The following ADISSP variants were observed in gnomAD, a reference collection of about 807,000 sequenced individuals.
ADISSP encodes adipose-secreted signaling protein.
At chr20:3,761,578 C>T in the ADISSP span, among the ~76,000 whole-genome samples, 17,807 of 152,130 alleles carry the variant, frequency 0.12, 1,373 homozygotes, top group African/African-American at 0.19. Flanking sequence ...TCAAGCAATC[C>T]GCTCACTTCG....
At chr20:3,755,334 C>A in the ADISSP span, 1 of 768,866 alleles carries the variant, frequency 1.3e-6, no homozygotes. Context: ...TGCCATGCTG[C>A]CACAGTGCAA....
At chr20:3,762,110 A>G in the ADISSP span, among the ~76,000 whole-genome samples, 1 of 152,152 alleles carries the variant, frequency 6.6e-6, no homozygotes, top group Non-Finnish European at 1.5e-5. Context: ...AGTCTCTACC[A>G]AAAGTACAAA....
chr20:3,755,456 G>T, the ADISSP span: 1 of 1,603,128 alleles, frequency 6.2e-7, no homozygotes. Context: ...CCCTGCTGGA[G>T]GAGGGGACGC....
the ADISSP span, among the ~76,000 whole-genome samples, chr20:3,755,995 C>T: frequency 0.012 from 1,794 of 152,314 alleles, 37 homozygotes; most frequent in African/African-American, 0.041. Context: ...CCCAGCAAGG[C>T]ACCACCCACT....
At chr20:3,766,313 A>C in the ADISSP span, among the ~76,000 whole-genome samples, 3 of 152,270 alleles carry the variant, frequency 2.0e-5, no homozygotes, top group Non-Finnish European at 4.4e-5. Context: ...CTGGAAAGGC[A>C]AGGCTGGAGG....
the ADISSP span, chr20:3,754,186 A>G: frequency 1.9e-6 from 3 of 1,588,968 alleles, no homozygotes; most frequent in Admixed American, 3.4e-5. Context: ...AGTCAGTGCC[A>G]TGCTGGCCCC....
chr20:3,765,373 C>G, the ADISSP span, among the ~76,000 whole-genome samples: 7 of 152,326 alleles, frequency 4.6e-5, no homozygotes, highest in Middle Eastern at 6.8e-3. Context: ...CCCCCAGAGG[C>G]AGCAGTCCTG....
At chr20:3,764,418 A>G in the ADISSP span, among the ~76,000 whole-genome samples, 2 of 151,864 alleles carry the variant, frequency 1.3e-5, no homozygotes, top group South Asian at 4.2e-4. Flanking sequence ...CTTCCTCCCA[A>G]CCTACTGCCT....
the ADISSP span, chr20:3,768,042 C>T: frequency 6.5e-6 from 1 of 152,750 alleles, no homozygotes; most frequent in Non-Finnish European, 1.5e-5. Context: ...GGCCCCGCCC[C>T]CGCTCCTTCT....
At chr20:3,757,701 T>C in the ADISSP span, among the ~76,000 whole-genome samples, 2 of 152,166 alleles carry the variant, frequency 1.3e-5, no homozygotes, top group Non-Finnish European at 2.9e-5. Flanking sequence ...CAATCTCAGC[T>C]CACTGCAACC....
At chr20:3,758,884 CCT>C in the ADISSP span, among the ~76,000 whole-genome samples, 1 of 152,178 alleles carries the variant, frequency 6.6e-6, no homozygotes, top group Non-Finnish European at 1.5e-5. The surrounding 1 kb of genome is among the most constrained non-coding windows in gnomAD (Gnocchi z 5.5). Context: ...AAATCCATCC[CCT>C]GAGAGTGAGC....
the ADISSP span, among the ~76,000 whole-genome samples, chr20:3,760,710 G>T: frequency 6.6e-6 from 1 of 152,160 alleles, no homozygotes; most frequent in African/African-American, 2.4e-5. Flanking sequence ...CCTGGTGATC[G>T]GTCAGGGCCA....
chr20:3,763,840 G>A, the ADISSP span, among the ~76,000 whole-genome samples: 1 of 152,174 alleles, frequency 6.6e-6, no homozygotes, highest in Non-Finnish European at 1.5e-5. Context: ...GAGCAGATGT[G>A]GCCTCACCTC....
At chr20:3,754,276 G>A in the ADISSP span, 6 of 1,484,308 alleles carry the variant, frequency 4.0e-6, no homozygotes, top group East Asian at 1.4e-4. Flanking sequence ...CTGCCAAGGA[G>A]GTTGAGAACC....
the ADISSP span, chr20:3,768,366 C>G: frequency 0.31 from 47,697 of 152,402 alleles, 7,916 homozygotes; most frequent in East Asian, 0.51. Context: ...GTGCCTGGCC[C>G]GGCCTGGAGA....
the ADISSP span, chr20:3,754,257 G>A: frequency 6.8e-7 from 1 of 1,469,894 alleles, no homozygotes; most frequent in Non-Finnish European, 9.5e-7. Flanking sequence ...ATCAGCTGGA[G>A]GTAGGGACCT....
At chr20:3,767,838 C>G in the ADISSP span, 1 of 152,140 alleles carries the variant, frequency 6.6e-6, no homozygotes, top group South Asian at 2.1e-4. Context: ...GAGGGACGCT[C>G]CGGACCAATG....
the ADISSP span, among the ~76,000 whole-genome samples, chr20:3,761,330 G>A: frequency 6.0e-4 from 82 of 135,890 alleles, no homozygotes; most frequent in Non-Finnish European, 1.0e-3. Context: ...ACCTGGTATG[G>A]TTTTTGTTTT....
At chr20:3,757,622 C>T in the ADISSP span, among the ~76,000 whole-genome samples, 1 of 152,038 alleles carries the variant, frequency 6.6e-6, no homozygotes, top group East Asian at 1.9e-4. Flanking sequence ...ACCTGGGCCC[C>T]CCAGGTTCTT....
Sources: allele counts gnomAD v4.1 joint callset (sites outside exome capture counted in the v4.1 genomes callset), GRCh38; gene constraint gnomAD v4.1.1; non-coding constraint Gnocchi (gnomAD v3.1); transcripts MANE v1.5; gene names NCBI Gene and HGNC (gene_info 2026-07-23, HGNC 2026-07-21).